Variants in PLEKHA6 observed in about 807,000 individuals in gnomAD.
PLEKHA6 encodes pleckstrin homology domain containing A6, also known as pleckstrin homology domain-containing family A member 6.
Under a neutral mutation model 116.7 loss-of-function variants are expected in PLEKHA6, and 60 were observed. That is an observed-to-expected ratio of 0.51 (90% CI 0.42 to 0.64). The LOEUF (loss-of-function observed/expected upper bound fraction) is 0.64. Ranked by LOEUF, PLEKHA6 falls within the 30% of genes least tolerant of loss-of-function variation. The probability of loss-of-function intolerance (pLI) is 0.00; values close to 1 mark genes in which losing one functional copy is unlikely to be tolerated. For synonymous variants in PLEKHA6, 489 were observed against 556.1 expected, an observed-to-expected ratio of 0.88 and a Z score of 1.70; for missense variants, 1,338 against 1,422.7, an observed-to-expected ratio of 0.94 and a Z score of 0.96.
intron 1 of PLEKHA6, among the ~76,000 whole-genome samples, chr1:204,311,923 T>A (rs944803719): frequency 7.9e-5 from 12 of 152,224 alleles, no homozygotes; most frequent in Non-Finnish European, 1.8e-4. Context: ...GCCCATTTCT[T>A]ACCCTTCCTA....
Position 204,247,472 on chromosome 1 carries a change from AG to A in PLEKHA6, c.1825-13del, listed in dbSNP as rs765298334. The A allele has an allele frequency of 2.5e-5, 40 of 1,573,192 alleles. No individual in the cohort carries two copies. The highest frequency in any genetic ancestry group is 2.7e-5 in the African/African-American group (2 of 74,010). ...CTGTTTGTCAGGGCCTACGGGGGAA[AG>A]AGGCGTTCACTGAGAAAGCCGCCAT... On this transcript the variant is annotated splice_polypyrimidine_tract_variant and intron_variant, in intron 12 of 22. Transcript: ENST00000272203.
chr1:204,311,299 C>T (rs2103158649), intron 1 of PLEKHA6, among the ~76,000 whole-genome samples: 1 of 152,152 alleles, frequency 6.6e-6, no homozygotes, highest in Non-Finnish European at 1.5e-5. Context: ...TGAAACCAGC[C>T]TGACCAACAT....
At chr1:204,264,097 G>A (rs1666488356) in intron 6 of PLEKHA6, among the ~76,000 whole-genome samples, 3 of 152,090 alleles carry the variant, frequency 2.0e-5, no homozygotes, top group South Asian at 4.2e-4. Context: ...GAAGGGTCTT[G>A]GACAGCAATT....
At chr1:204,340,228 C>T (rs1222346761) in intron 1 of PLEKHA6, among the ~76,000 whole-genome samples, 4 of 152,118 alleles carry the variant, frequency 2.6e-5, no homozygotes, top group African/African-American at 9.7e-5. Flanking sequence ...TATTCCCCAG[C>T]AGGGTAGCTG....
intron 1 of PLEKHA6, among the ~76,000 whole-genome samples, chr1:204,290,301 T>A (rs1669612147): frequency 6.6e-6 from 1 of 152,216 alleles, no homozygotes; most frequent in Non-Finnish European, 1.5e-5. Flanking sequence ...GCTACAGTTA[T>A]CAAGACAATG....
Position 204,241,669 on chromosome 1 carries a change from A to G in PLEKHA6, c.2302+16T>C. ...ATCCTTGCCTTACTTCTAGGGGAAG[A>G]TGGGACAGAAAGTACCTTTGTTGAG... is the stretch of plus-strand genomic sequence containing the variant. On this transcript the variant is annotated intron_variant, in intron 16 of 22. Transcript: ENST00000272203. 6.4e-7 allele frequency: 1 copy of G among 1,565,570 alleles called. No homozygotes were observed. The highest frequency in any genetic ancestry group is 8.6e-7 in the Non-Finnish European group (1 of 1,158,324).
intron 1 of PLEKHA6, among the ~76,000 whole-genome samples, chr1:204,281,886 C>G (rs994364626): frequency 7.2e-5 from 11 of 152,186 alleles, no homozygotes; most frequent in African/African-American, 2.4e-4. Flanking sequence ...CTCTGCCCAG[C>G]CACACCGCAC....
At position 204,257,489 on chromosome 1, in the gene PLEKHA6, C is replaced by T. The variant is rs1462418359; in HGVS notation, c.1388G>A (p.Gly463Asp). The change falls in exon 9 of 23, where the codon GGC becomes GAC. Residue 463 changes from glycine (G) to aspartate (D), a missense_variant. Coordinates refer to ENST00000272203, the MANE Select transcript of PLEKHA6 (RefSeq NM_014935.5). This position sits in a 1 kb window ranked among gnomAD's most constrained non-coding sequence, Gnocchi z 6.5. ...SHSVPRSPSQ[G>D]SYSRARIYSP... is the part of the protein sequence containing the mutation. Reference sequence around the variant, plus strand: ...GTAAATGCGGGCACGGCTGTAGGAGCCCTGGCTGGGTGAGCGGGGCACAGA... The same window carrying T: ...GTAAATGCGGGCACGGCTGTAGGAGTCCTGGCTGGGTGAGCGGGGCACAGA... The T allele has an allele frequency of 1.3e-6, 2 of 1,581,970 alleles. No homozygotes were observed. Among genetic ancestry groups the T allele is most frequent in the Non-Finnish European group, 1.7e-6 (2 of 1,162,554 alleles).
intron 6 of PLEKHA6, 85 bp downstream of exon 6, chr1:204,264,857 G>T: frequency 1.0e-6 from 1 of 989,250 alleles, no homozygotes. Flanking sequence ...TAGAGCGATG[G>T]CTCTTGGCCC....
At chr1:204,348,787 C>G (rs1255737820) in intron 1 of PLEKHA6, among the ~76,000 whole-genome samples, 4 of 147,750 alleles carry the variant, frequency 2.7e-5, no homozygotes, top group African/African-American at 1.0e-4. Context: ...AGACATCCTG[C>G]TGACTGTCAT....
At chr1:204,367,558 C>G (rs535709323) in intron 3 of PLEKHA6, among the ~76,000 whole-genome samples, 13 of 152,148 alleles carry the variant, frequency 8.5e-5, no homozygotes, top group Admixed American at 5.2e-4. Context: ...ACTCCACCCA[C>G]CCCACCCCAG....
At chr1:204,344,080 G>A in intron 1 of PLEKHA6, among the ~76,000 whole-genome samples, 1 of 152,178 alleles carries the variant, frequency 6.6e-6, no homozygotes, top group Admixed American at 6.5e-5. Context: ...CTTAAGCCCA[G>A]GAGTTTGAGA....
At chr1:204,254,956 C>A (rs1350310854) in intron 9 of PLEKHA6, among the ~76,000 whole-genome samples, 4 of 152,132 alleles carry the variant, frequency 2.6e-5, no homozygotes, top group African/African-American at 7.2e-5. Context: ...AGGGTTAGAA[C>A]CCCGGAGCAG....
intron 1 of PLEKHA6, among the ~76,000 whole-genome samples, chr1:204,374,296 C>T (rs1254167058): frequency 1.3e-5 from 2 of 152,182 alleles, no homozygotes; most frequent in African/African-American, 4.8e-5. Flanking sequence ...GCCCTGAGTG[C>T]CACCTAGAAT....
In PLEKHA6 at chr1:204,241,376, T is replaced by A. The variant is rs1435319814; in HGVS notation, c.2408A>T (p.Gln803Leu). 1 of 1,599,760 alleles carries A rather than the reference T, an allele frequency of 6.3e-7. No homozygotes were observed. Among genetic ancestry groups the A allele is most frequent in the East Asian group, 2.2e-5 (1 of 44,752 alleles). ...GCATGAGCTTGCAGAGGTACCCACC[T>A]GGGAGGAGAGTCCATTGGTGAGCCC... is the stretch of plus-strand genomic sequence containing the variant. Reference protein sequence around the residue: ...ASGLTNGLSSQERPKSAVFPG... With the variant: ...ASGLTNGLSSLERPKSAVFPG... Residue 803 changes from glutamine (Q) to leucine (L), a missense_variant and splice_region_variant, in exon 17 of 23, where the codon CAG becomes CTG. By Grantham distance (113) the Gln-to-Leu change is moderately radical (BLOSUM62 -2). Around this residue, in one of 3 missense-constraint regions of PLEKHA6, gnomAD observed 1,136 missense variants for 1,163.6 expected, o/e 0.98. Transcript: ENST00000272203.
At chr1:204,225,590 C>T (rs191889944) in intron 21 of PLEKHA6, among the ~76,000 whole-genome samples, 37 of 152,266 alleles carry the variant, frequency 2.4e-4, no homozygotes, top group Middle Eastern at 3.4e-3. Context: ...TTATCATTTC[C>T]CATACTGCGG....
At chr1:204,241,611 G>T in intron 16 of PLEKHA6, 74 bp downstream of exon 16, 1 of 1,485,326 alleles carries the variant, frequency 6.7e-7, no homozygotes, top group Non-Finnish European at 9.0e-7. Context: ...CAGGTTTTGG[G>T]TGTGAATGAG....
intron 1 of PLEKHA6, among the ~76,000 whole-genome samples, chr1:204,341,129 A>G (rs1672831760): frequency 6.6e-6 from 1 of 152,202 alleles, no homozygotes; most frequent in East Asian, 1.9e-4. Flanking sequence ...GCCATAGGAC[A>G]AGAAGCCCCA....
intron 1 of PLEKHA6, among the ~76,000 whole-genome samples, chr1:204,331,523 A>G (rs1672449048): frequency 6.6e-6 from 1 of 152,164 alleles, no homozygotes; most frequent in Admixed American, 6.5e-5. Context: ...AGAAGAGAAG[A>G]ACATTCTGGA....
Sources: gnomAD v4.1 joint callset for allele counts (sites outside exome capture counted in the v4.1 genomes callset) on GRCh38, gnomAD v4.1.1 for gene constraint, gnomAD v4.1.1 regional missense constraint, Gnocchi (gnomAD v3.1) non-coding constraint, MANE v1.5 for transcripts, NCBI Gene and HGNC (gene_info 2026-07-23, HGNC 2026-07-21) for gene names.